Variants in KCTD16 observed in about 807,000 individuals in gnomAD.
The protein encoded by KCTD16 is BTB/POZ domain-containing protein KCTD16.
In KCTD16, 13 loss-of-function variants were observed where a neutral mutation model predicts 33.2. That is an observed-to-expected ratio of 0.39 (90% CI 0.25 to 0.62). The LOEUF (loss-of-function observed/expected upper bound fraction) is 0.62, where lower values mean the gene tolerates loss of function less well. Ranked by LOEUF, KCTD16 falls within the 20% of genes least tolerant of loss-of-function variation. The probability of loss-of-function intolerance (pLI) is 0.50; values close to 1 mark genes in which losing one functional copy is unlikely to be tolerated. For synonymous variants in KCTD16, 197 were observed against 195.3 expected (o/e 1.01, Z -0.07); for missense variants, 441 against 525.1 (o/e 0.84, Z 1.57).
At chr5:144,209,937 A>C (rs1043491960) in intron 3 of KCTD16, among the ~76,000 whole-genome samples, 2 of 149,444 alleles carry the variant, frequency 1.3e-5, no homozygotes, top group African/African-American at 4.9e-5. Context: ...AGCTCCTTAG[A>C]TCTAAGGAAT....
chr5:144,285,962 CT>C (rs34103216), intron 3 of KCTD16, among the ~76,000 whole-genome samples: 9,333 of 117,448 alleles, frequency 0.079, 357 homozygotes, highest in African/African-American at 0.14. Context: ...CCATCCTAAT[CT>C]TTTTTTTTTT....
intron 3 of KCTD16, among the ~76,000 whole-genome samples, chr5:144,226,006 G>T (rs993968624): frequency 6.6e-6 from 1 of 152,136 alleles, no homozygotes; most frequent in African/African-American, 2.4e-5. Flanking sequence ...TCTGAATCTT[G>T]ATGAAAATCC....
At position 144,207,326 on chromosome 5, in the gene KCTD16, C is replaced by T. The variant is rs1218581688; in HGVS notation, c.612C>T (p.Val204=). The T allele has an allele frequency of 5.0e-6, 8 of 1,614,222 alleles. No individual in the cohort carries two copies. In the East Asian group the frequency reaches 1.8e-4, roughly 36 times the overall value. ...VCGRISLAKE[V]FGETLNESRD... is the part of the protein sequence containing the mutation. ...GAAGGATTTCCTTGGCAAAAGAAGT[C>T]TTTGGAGAAACTTTGAATGAAAGCA... Residue 204 remains valine (V), a synonymous_variant, in exon 3 of 4, where the codon GTC becomes GTT. Coordinates refer to ENST00000512467, the MANE Select transcript of KCTD16 (RefSeq NM_020768.4).
chr5:144,253,380 A>G (rs1358745173), intron 3 of KCTD16, among the ~76,000 whole-genome samples: 1 of 152,192 alleles, frequency 6.6e-6, no homozygotes, highest in Non-Finnish European at 1.5e-5. Flanking sequence ...AGCATAATGA[A>G]CCTCATAGAC....
chr5:144,354,504 G>A (rs1751528143), intron 3 of KCTD16, among the ~76,000 whole-genome samples: 1 of 151,994 alleles, frequency 6.6e-6, no homozygotes, highest in Admixed American at 6.6e-5. Context: ...CTCCACCTAT[G>A]GCCAGCCCAA....
At chr5:144,413,419 G>T (rs1359112432) in intron 3 of KCTD16, among the ~76,000 whole-genome samples, 1 of 152,154 alleles carries the variant, frequency 6.6e-6, no homozygotes, top group Non-Finnish European at 1.5e-5. Context: ...ATGAATACAG[G>T]TTTATACAAG....
At chr5:144,452,236 A>G (rs1753960652) in intron 3 of KCTD16, among the ~76,000 whole-genome samples, 1 of 151,212 alleles carries the variant, frequency 6.6e-6, no homozygotes, top group African/African-American at 2.4e-5. Context: ...AGATCCTGAG[A>G]TTGAACATGT....
chr5:144,439,419 C>T, intron 3 of KCTD16: 1 of 414,040 alleles, frequency 2.4e-6, no homozygotes, highest in Non-Finnish European at 4.7e-6. Context: ...GAACCATGAA[C>T]CAGAGCCTCA....
intron 3 of KCTD16, among the ~76,000 whole-genome samples, chr5:144,414,642 C>G (rs558571452): frequency 6.6e-6 from 1 of 152,220 alleles, no homozygotes; most frequent in Non-Finnish European, 1.5e-5. Context: ...ATGACTTAGC[C>G]AATTTAAATT....
intron 2 of KCTD16, among the ~76,000 whole-genome samples, chr5:144,175,795 A>G (rs541258691): frequency 6.6e-6 from 1 of 152,226 alleles, no homozygotes; most frequent in Non-Finnish European, 1.5e-5. Flanking sequence ...ATAAGTGTCT[A>G]AGTACTAAGT....
rs114521902 is a variant in KCTD16 at position 144,202,889 on chromosome 5, A to G, written c.-326-3500A>G. On this transcript the variant is annotated intron_variant, in intron 2 of 3. Transcript: ENST00000512467. Reference sequence around the variant, plus strand: ...TCTCAGAGTGTGTCTCTGTGAATGTATGTGTAATCTCACTTCAAAAAGAAG... The same window carrying G: ...TCTCAGAGTGTGTCTCTGTGAATGTGTGTGTAATCTCACTTCAAAAAGAAG... Among the ~76,000 whole-genome samples the G allele has an allele frequency of 5.6e-3, 850 of 152,322 alleles. 4 individuals carry two copies. Among genetic ancestry groups the G allele is most frequent in the Non-Finnish European group, 0.01 (703 of 68,032 alleles).
At chr5:144,449,028 T>A (rs1753884064) in intron 3 of KCTD16, among the ~76,000 whole-genome samples, 1 of 152,038 alleles carries the variant, frequency 6.6e-6, no homozygotes. Flanking sequence ...CTTTTTGTGA[T>A]GGAATTATAG....
chr5:144,409,003 A>G (rs1752874488), intron 3 of KCTD16, among the ~76,000 whole-genome samples: 1 of 152,164 alleles, frequency 6.6e-6, no homozygotes, highest in Admixed American at 6.5e-5. Context: ...TCTATTGTCT[A>G]TCTTCCCTCA....
At chr5:144,237,466 A>C (rs1754285707) in intron 3 of KCTD16, among the ~76,000 whole-genome samples, 1 of 152,150 alleles carries the variant, frequency 6.6e-6, no homozygotes, top group Admixed American at 6.6e-5. Context: ...AGTTAAACAT[A>C]AATGACTTTG....
At chr5:144,442,387 A>G (rs554180814) in intron 3 of KCTD16, among the ~76,000 whole-genome samples, 1 of 152,072 alleles carries the variant, frequency 6.6e-6, no homozygotes, top group Non-Finnish European at 1.5e-5. Flanking sequence ...AGCAGAGTTG[A>G]CTGTGATATT....
intron 3 of KCTD16, among the ~76,000 whole-genome samples, chr5:144,345,954 A>AT (rs35514283): frequency 0.028 from 4,001 of 140,658 alleles, 107 homozygotes; most frequent in African/African-American, 0.053. Flanking sequence ...TATTCATTCT[A>AT]TTTTTTTTTT....
chr5:144,423,086 G>A lies in KCTD16; in HGVS notation c.833-50574G>A, dbSNP rs1384281027. On this transcript the variant is annotated intron_variant, in intron 3 of 3. Transcript: ENST00000512467. ...ATGAAAGAGAATGGCATTCTCATCA[G>A]AGAGAAGTGTAAGTTCAAATGACCT... Among the ~76,000 whole-genome samples the A allele has an allele frequency of 4.6e-5, 7 of 152,294 alleles. No homozygotes were observed. The East Asian group carries it at 9.7e-4, about 21-fold the overall frequency.
intron 3 of KCTD16, among the ~76,000 whole-genome samples, chr5:144,251,914 G>A (rs900259788): frequency 4.6e-5 from 7 of 152,060 alleles, no homozygotes; most frequent in African/African-American, 1.7e-4. Flanking sequence ...AAATGTAAAG[G>A]AGACAACCAT....
intron 3 of KCTD16, among the ~76,000 whole-genome samples, chr5:144,312,324 A>C (rs547124336): frequency 6.6e-6 from 1 of 152,126 alleles, no homozygotes; most frequent in African/African-American, 2.4e-5. Context: ...TATCCTTGGC[A>C]TTCATCACTC....
Sources: gnomAD v4.1 joint callset for allele counts (sites outside exome capture counted in the v4.1 genomes callset) on GRCh38, gnomAD v4.1.1 for gene constraint, MANE v1.5 for transcripts, NCBI Gene and HGNC (gene_info 2026-07-23, HGNC 2026-07-21) for gene names.